TCF12: variants seen among roughly 807,000 people sequenced by gnomAD.
TCF12 encodes the protein transcription factor 12.
TCF12 carries 45 observed loss-of-function variants against 86.0 expected under a neutral mutation model. The observed-to-expected ratio is 0.52, with a 90% confidence interval of 0.41 to 0.67. The LOEUF (loss-of-function observed/expected upper bound fraction) is 0.67, where lower values mean the gene tolerates loss of function less well. Ranked by LOEUF, TCF12 falls within the 30% of genes least tolerant of loss-of-function variation. The pLI is 0.00. For missense variants in TCF12, 881 were observed against 859.9 expected, an observed-to-expected ratio of 1.02 and a Z score of -0.31; for synonymous variants, 330 against 299.6, an observed-to-expected ratio of 1.10 and a Z score of -1.05.
intron 5 of TCF12, among the ~76,000 whole-genome samples, chr15:57,147,882 CTTTTT>C (rs75528355): frequency 1.4e-5 from 2 of 137,966 alleles, no homozygotes; most frequent in African/African-American, 5.3e-5. Flanking sequence ...GGAAACTAGA[CTTTTT>C]TTTTTTTTTT....
At chr15:56,965,988 T>C (rs1271394745) in intron 3 of TCF12, among the ~76,000 whole-genome samples, 1 of 152,210 alleles carries the variant, frequency 6.6e-6, no homozygotes, top group African/African-American at 2.4e-5. Flanking sequence ...ACTTACCAAA[T>C]ATATAGTTTT....
intron 5 of TCF12, among the ~76,000 whole-genome samples, chr15:57,144,503 A>G (rs1248708144): frequency 1.3e-5 from 2 of 152,192 alleles, no homozygotes; most frequent in African/African-American, 2.4e-5. Flanking sequence ...CTTACACTTT[A>G]TAGGCTTTCT....
chr15:57,121,828 G>A (rs1276174929), intron 5 of TCF12, among the ~76,000 whole-genome samples: 1 of 152,116 alleles, frequency 6.6e-6, no homozygotes, highest in African/African-American at 2.4e-5. Flanking sequence ...CTTTAAAAAG[G>A]AATAATGTTC....
At chr15:57,112,895 T>A (rs1171013099) in intron 5 of TCF12, among the ~76,000 whole-genome samples, 1 of 152,200 alleles carries the variant, frequency 6.6e-6, no homozygotes, top group East Asian at 1.9e-4. Flanking sequence ...AGCATTTTAT[T>A]TGAGTAGGAA....
chr15:57,190,632 C>G (rs1185800500), intron 6 of TCF12, among the ~76,000 whole-genome samples: 1 of 152,114 alleles, frequency 6.6e-6, no homozygotes, highest in Non-Finnish European at 1.5e-5. Flanking sequence ...TACCAGAAAT[C>G]TTGGTGCAAA....
chr15:56,981,955 T>C (rs1223082573), intron 3 of TCF12, among the ~76,000 whole-genome samples: 6 of 151,848 alleles, frequency 4.0e-5, no homozygotes, highest in African/African-American at 1.2e-4. Flanking sequence ...GGTGGGGAGA[T>C]AGAATGGGAG....
rs193155665 is a variant in TCF12 at position 57,243,486 on chromosome 15, C to G, written c.1050C>G (p.Asp350Glu). The change falls in exon 13 of 21, where the codon GAC (aspartate) becomes GAG (glutamate). Residue 350 changes from aspartate (D) to glutamate (E), a missense_variant. Around this residue, in one of 3 missense-constraint regions of TCF12, gnomAD observed 766 missense variants for 718.9 expected, o/e 1.07. Coordinates refer to ENST00000333725, the MANE Select transcript of TCF12 (RefSeq NM_207037.2). ...TTTCTGGTTAGATTTATTCTCCTGACCATACCAGCAGTAGTTTTCCGTCAA... is the reference window on the plus strand; with the variant it reads ...TTTCTGGTTAGATTTATTCTCCTGAGCATACCAGCAGTAGTTTTCCGTCAA... ...GKALASIYSP[D>E]HTSSSFPSNP... 17 of 1,613,736 alleles carry G rather than the reference C, an allele frequency of 1.1e-5. No individual in the cohort carries two copies. In the East Asian group the frequency reaches 3.8e-4, roughly 36 times the overall value.
chr15:57,230,141 A>G (rs1278557156), intron 8 of TCF12, among the ~76,000 whole-genome samples: 3 of 151,954 alleles, frequency 2.0e-5, no homozygotes, highest in Non-Finnish European at 4.4e-5. Flanking sequence ...TATGCAAACA[A>G]ATTAATACAT....
rs950400039 is a variant in TCF12 at position 57,121,568 on chromosome 15, G to T, written c.325+29677G>T. 5.3e-5 allele frequency among the ~76,000 whole-genome samples: 8 copies of T among 152,182 alleles called. No individual in the cohort carries two copies. In the South Asian group the frequency reaches 1.2e-3, roughly 24 times the overall value. On this transcript the variant is annotated intron_variant, in intron 5 of 20. Transcript: ENST00000333725. ...TCTTGCCCTTCCACTCTTCTACCCT[G>T]TGAGGACACAGCGTTTATCTCTTGC...
At chr15:57,289,932 T>G (rs1275051048), downstream of TCF12, 1 of 152,198 alleles carries the variant, frequency 6.6e-6, no homozygotes, top group African/African-American at 2.4e-5. Context: ...CAACCCATCT[T>G]TGTAGGAGTC....
intron 3 of TCF12, among the ~76,000 whole-genome samples, chr15:56,934,539 G>T (rs1349830223): frequency 6.6e-6 from 1 of 152,084 alleles, no homozygotes; most frequent in African/African-American, 2.4e-5. Flanking sequence ...CTGGTTCTTC[G>T]TGATTAGGAC....
chr15:57,216,859 T>G (rs868046253), intron 8 of TCF12, among the ~76,000 whole-genome samples: 2 of 152,114 alleles, frequency 1.3e-5, no homozygotes, highest in Non-Finnish European at 2.9e-5. Flanking sequence ...GCGACAAACT[T>G]AAAAGACTTT....
intron 3 of TCF12, among the ~76,000 whole-genome samples, chr15:57,032,192 C>T (rs1178988360): frequency 6.6e-6 from 1 of 152,116 alleles, no homozygotes; most frequent in Non-Finnish European, 1.5e-5. Flanking sequence ...TTTAAAAAGA[C>T]TTTAAAAACA....
intron 6 of TCF12, among the ~76,000 whole-genome samples, chr15:57,189,912 G>C (rs1379384324): frequency 6.6e-6 from 1 of 152,154 alleles, no homozygotes; most frequent in Non-Finnish European, 1.5e-5. Flanking sequence ...AAAGGAATGA[G>C]GTACTTTGAT....
intron 3 of TCF12, among the ~76,000 whole-genome samples, chr15:56,986,540 A>G (rs1299417195): frequency 2.0e-5 from 3 of 152,138 alleles, no homozygotes; most frequent in South Asian, 4.1e-4. Context: ...TTAAACCCCT[A>G]CTATTTATTA....
intron 16 of TCF12, among the ~76,000 whole-genome samples, chr15:57,259,323 G>A (rs1276972062): frequency 6.6e-6 from 1 of 152,168 alleles, no homozygotes; most frequent in Non-Finnish European, 1.5e-5. Flanking sequence ...GATCCTTTAA[G>A]CAATCTGTGT....
chr15:57,128,374 T>C (rs914110614), intron 5 of TCF12, among the ~76,000 whole-genome samples: 2 of 152,336 alleles, frequency 1.3e-5, no homozygotes, highest in Middle Eastern at 3.4e-3. Flanking sequence ...CCTTCATTTA[T>C]CCTAGGCACC....
intron 4 of TCF12, among the ~76,000 whole-genome samples, chr15:57,088,902 T>C (rs1181072830): frequency 1.3e-5 from 2 of 152,170 alleles, no homozygotes; most frequent in African/African-American, 4.8e-5. Context: ...TTTAAACATA[T>C]GACTTGTGAT....
intron 12 of TCF12, among the ~76,000 whole-genome samples, chr15:57,235,582 G>T (rs577212842): frequency 1.7e-4 from 26 of 152,280 alleles, no homozygotes; most frequent in African/African-American, 6.0e-4. Flanking sequence ...ACTGTCACCT[G>T]ATGAAAATGA....
Sources: allele counts gnomAD v4.1 joint callset (sites outside exome capture counted in the v4.1 genomes callset), GRCh38; gene constraint gnomAD v4.1.1; regional missense constraint gnomAD v4.1.1; transcripts MANE v1.5; gene names NCBI Gene and HGNC (gene_info 2026-07-23, HGNC 2026-07-21).